Variants in QPCT observed in about 807,000 individuals in gnomAD.
QPCT encodes EC.
Under a neutral mutation model 43.4 loss-of-function variants are expected in QPCT, and 44 were observed. The ratio of observed to expected loss-of-function variants is 1.01; its 90% CI spans 0.80 to 1.30. QPCT has a LOEUF of 1.30. Ranked by LOEUF, QPCT falls within the 50% of genes most tolerant of loss-of-function variation. The probability of loss-of-function intolerance (pLI) is 0.00; values close to 1 mark genes in which losing one functional copy is unlikely to be tolerated. For missense variants in QPCT, 526 were observed against 436.5 expected, an observed-to-expected ratio of 1.21 and a Z score of -1.83; for synonymous variants, 168 against 168.4, an observed-to-expected ratio of 1.00 and a Z score of 0.02.
At chr2:37,345,162 G>A (rs1483140087) in intron 1 of QPCT, among the ~76,000 whole-genome samples, 1 of 152,180 alleles carries the variant, frequency 6.6e-6, no homozygotes, top group South Asian at 2.1e-4. Context: ...CTGCTGAGCC[G>A]GGAGGCGAGG....
At position 37,367,361 on chromosome 2, in the gene QPCT, A is replaced by AC; in HGVS notation, c.680dup (p.His228AlafsTer48). 1.2e-6 allele frequency: 2 copies of AC among 1,613,838 alleles called. No individual in the cohort carries two copies. Among genetic ancestry groups the AC allele is most frequent in the Non-Finnish European group, 1.7e-6 (2 of 1,179,906 alleles). ...ACACTTAGCTGCAAAGATGGCATCG[A>AC]CCCCGCACCCACCTGGAGCGAGAGG... On this transcript the variant is annotated frameshift_variant, in exon 4 of 7. Coordinates refer to ENST00000338415, the MANE Select transcript of QPCT (RefSeq NM_012413.4). LOFTEE classifies it high-confidence loss of function.
At chr2:37,360,616 C>G (rs1026053638) in intron 3 of QPCT, among the ~76,000 whole-genome samples, 1 of 152,150 alleles carries the variant, frequency 6.6e-6, no homozygotes, top group African/African-American at 2.4e-5. Flanking sequence ...TATGAAGGGT[C>G]CAGCCTTTGA....
chr2:37,371,720 G>A (rs1266584672), intron 5 of QPCT, among the ~76,000 whole-genome samples: 3 of 152,138 alleles, frequency 2.0e-5, no homozygotes, highest in African/African-American at 7.2e-5. Context: ...ACTTTAAAGT[G>A]CATCAGAATC....
In QPCT at chr2:37,367,267, G is replaced by C. The variant is rs747137955; in HGVS notation, c.582G>C (p.Gln194His). ...VSDSKPDLSL[Q>H]LIFFDGEEAF... is the part of the protein sequence containing the mutation. ...ACTCCAAGCCAGATTTGTCACTCCA[G>C]CTGATCTTCTTTGATGGTGAAGAGG... Residue 194 changes from glutamine to histidine, a missense_variant, in exon 4 of 7, where the codon CAG becomes CAC. Gln to His is a conservative substitution (Grantham distance 24). Transcript: ENST00000338415. 1.2e-6 allele frequency: 2 copies of C among 1,613,982 alleles called. No homozygotes were observed. The highest frequency in any genetic ancestry group is 1.7e-5 in the Admixed American group (1 of 60,000).
intron 1 of QPCT, among the ~76,000 whole-genome samples, chr2:37,351,388 A>T (rs1672621988): frequency 6.6e-6 from 1 of 152,246 alleles, no homozygotes; most frequent in African/African-American, 2.4e-5. Flanking sequence ...TGAATGGTTC[A>T]TCATTACCAG....
chr2:37,368,809 G>T (rs1397485863), intron 4 of QPCT: 2 of 354,508 alleles, frequency 5.6e-6, no homozygotes, highest in Non-Finnish European at 1.1e-5. Context: ...CATATATTTG[G>T]ACTGATAAAT....
chr2:37,355,482 A>G (rs750144815), intron 2 of QPCT, among the ~76,000 whole-genome samples: 2 of 152,218 alleles, frequency 1.3e-5, no homozygotes, highest in South Asian at 2.1e-4. Context: ...AAGATCCTCA[A>G]ATATTAAAAA....
chr2:37,368,033 C>T (rs1401782306), intron 4 of QPCT, among the ~76,000 whole-genome samples: 1 of 152,028 alleles, frequency 6.6e-6, no homozygotes, highest in African/African-American at 2.4e-5. Context: ...GAGAGCAAAC[C>T]CCTTCTTTCA....
chr2:37,362,250 G>A (rs1273619322), intron 3 of QPCT, among the ~76,000 whole-genome samples: 1 of 152,166 alleles, frequency 6.6e-6, no homozygotes, highest in Admixed American at 6.5e-5. Context: ...CTGCCCTCTT[G>A]TTCTGCGATT....
rs1672826107 is a variant in QPCT at position 37,359,775 on chromosome 2, G to A, written c.463G>A (p.Val155Ile). ...TTCCCACTGGAACAACAGAGTGTTT[G>A]TAGGAGCCACTGATTCAGCCGTGCC... ...YFSHWNNRVF[V>I]GATDSAVPCA... Residue 155 changes from valine to isoleucine, a missense_variant, in exon 3 of 7, where the codon GTA becomes ATA. Val to Ile is a conservative substitution (Grantham distance 29). Transcript: ENST00000338415. The A allele has an allele frequency of 2.5e-6, 4 of 1,614,068 alleles. No homozygotes were observed. Among genetic ancestry groups the A allele is most frequent in the Non-Finnish European group, 8.5e-7 (1 of 1,180,030 alleles).
chr2:37,350,154 C>T (rs964616717), intron 1 of QPCT, among the ~76,000 whole-genome samples: 1 of 152,138 alleles, frequency 6.6e-6, no homozygotes, highest in African/African-American at 2.4e-5. Flanking sequence ...GCTTGTAAGG[C>T]AGAAAGCACC....
chr2:37,358,284 A>G (rs753480859), intron 2 of QPCT, among the ~76,000 whole-genome samples: 1 of 152,090 alleles, frequency 6.6e-6, no homozygotes, highest in Non-Finnish European at 1.5e-5. Context: ...AAAACCCACA[A>G]AAGTTAGTCA....
At chr2:37,357,952 T>A (rs1471755924) in intron 2 of QPCT, among the ~76,000 whole-genome samples, 2 of 152,084 alleles carry the variant, frequency 1.3e-5, no homozygotes, top group African/African-American at 4.8e-5. Context: ...CCATCCCAGA[T>A]CTAAACTGTC....
intron 2 of QPCT, among the ~76,000 whole-genome samples, chr2:37,354,754 C>T (rs1007695487): frequency 1.3e-5 from 2 of 152,156 alleles, no homozygotes; most frequent in African/African-American, 4.8e-5. Flanking sequence ...TTGGCATTTT[C>T]CAAAAGCCTC....
At chr2:37,347,987 C>A (rs1378364419) in intron 1 of QPCT, among the ~76,000 whole-genome samples, 1 of 152,112 alleles carries the variant, frequency 6.6e-6, no homozygotes, top group Non-Finnish European at 1.5e-5. Flanking sequence ...TCACCCATAA[C>A]CCCACTATTC....
chr2:37,348,248 GAT>G (rs1292281274), intron 1 of QPCT, among the ~76,000 whole-genome samples: 1 of 152,158 alleles, frequency 6.6e-6, no homozygotes, highest in African/African-American at 2.4e-5. Flanking sequence ...CCATTTTACA[GAT>G]ATGGACTCTT....
At chr2:37,347,231 C>CATATATATAACATATATAT (rs1553384286) in intron 1 of QPCT, among the ~76,000 whole-genome samples, 3 of 55,634 alleles carry the variant, frequency 5.4e-5, no homozygotes, top group Admixed American at 5.2e-4. Context: ...ATATATATAA[C>CATATATATAACATATATAT]ATATATATAT....
chr2:37,357,858 T>C (rs1362032091), intron 2 of QPCT, among the ~76,000 whole-genome samples: 1 of 151,270 alleles, frequency 6.6e-6, no homozygotes, highest in Non-Finnish European at 1.5e-5. Context: ...TTGGCTAGGA[T>C]AGAAAATCCT....
At chr2:37,345,220 GC>G (rs1319836547) in intron 1 of QPCT, among the ~76,000 whole-genome samples, 2 of 152,202 alleles carry the variant, frequency 1.3e-5, no homozygotes, top group African/African-American at 2.4e-5. Flanking sequence ...GGGCAACGGG[GC>G]CGGCGCTCCG....
Sources: gnomAD v4.1 joint callset for allele counts (sites outside exome capture counted in the v4.1 genomes callset) on GRCh38, gnomAD v4.1.1 for gene constraint, MANE v1.5 for transcripts, NCBI Gene and HGNC (gene_info 2026-07-23, HGNC 2026-07-21) for gene names.